TG: variants seen among roughly 807,000 people sequenced by gnomAD.
TG encodes thyroglobulin, also known as thyroid hormones.
Under a neutral mutation model 324.7 loss-of-function variants are expected in TG, and 270 were observed. That is an observed-to-expected ratio of 0.83 (90% CI 0.75 to 0.92). The LOEUF (loss-of-function observed/expected upper bound fraction) is 0.92, where lower values mean the gene tolerates loss of function less well. Among genes scored for constraint, TG ranks in the 40% least tolerant of loss-of-function variants. The pLI is 0.00. For synonymous variants in TG, 1,401 were observed against 1,327.0 expected (o/e 1.06, Z -1.21); for missense variants, 3,591 against 3,456.4 (o/e 1.04, Z -0.98).
At chr8:132,942,079 G>A (rs970373243) in intron 26 of TG, among the ~76,000 whole-genome samples, 4 of 152,208 alleles carry the variant, frequency 2.6e-5, no homozygotes, top group African/African-American at 9.6e-5. Flanking sequence ...CTCAGCAATG[G>A]AGGTGCCCTT....
At chr8:133,070,029 A>ACC (rs1554715883) in intron 41 of TG, among the ~76,000 whole-genome samples, 1 of 109,812 alleles carries the variant, frequency 9.1e-6, no homozygotes, top group South Asian at 3.2e-4. Flanking sequence ...AAAAAAAAGA[A>ACC]AGAAAGAAAG....
At chr8:132,931,235 C>T (rs1563968922) in intron 23 of TG, among the ~76,000 whole-genome samples, 2 of 152,162 alleles carry the variant, frequency 1.3e-5, no homozygotes, top group Non-Finnish European at 2.9e-5. Flanking sequence ...AGTCCTATTG[C>T]CTTAGGGCCC....
intron 43 of TG, chr8:133,106,364 A>C: frequency 1.0e-6 from 1 of 981,368 alleles, no homozygotes; most frequent in Non-Finnish European, 1.2e-6. Context: ...GGGCCAATGC[A>C]AGGACACCCA....
rs146182635 is a variant in TG, at chr8:133,132,584, A to C, written c.7997+638A>C. 3.2e-3 allele frequency among the ~76,000 whole-genome samples: 489 copies of C among 152,172 alleles called. 3 individuals are homozygous for C. The highest frequency in any genetic ancestry group is 0.011 in the African/African-American group (467 of 41,520). ...CATGGTAGTTTACCTGTTTCCTTTT[A>C]TCTTTTTGCCTGATGTGAGTTGATT... On this transcript the variant is annotated intron_variant, in intron 46 of 47. Coordinates refer to ENST00000220616, the MANE Select transcript of TG (RefSeq NM_003235.5).
At chr8:133,068,807 A>G (rs1261291305) in intron 41 of TG, among the ~76,000 whole-genome samples, 1 of 152,238 alleles carries the variant, frequency 6.6e-6, no homozygotes, top group East Asian at 1.9e-4. Context: ...TTCTTTCTAG[A>G]TAGACTTTCT....
chr8:132,958,102 T>A (rs1827198462), intron 27 of TG, among the ~76,000 whole-genome samples: 1 of 152,216 alleles, frequency 6.6e-6, no homozygotes, highest in South Asian at 2.1e-4. Context: ...TCCAGGTCGC[T>A]GCAAATATAT....
intron 43 of TG, among the ~76,000 whole-genome samples, chr8:133,106,018 A>G (rs534988182): frequency 2.6e-5 from 4 of 152,068 alleles, no homozygotes. Flanking sequence ...GAGCACCTGG[A>G]TGAAGCAGAT....
chr8:132,872,395 G>A (rs1274895154), intron 4 of TG, among the ~76,000 whole-genome samples: 2 of 150,196 alleles, frequency 1.3e-5, no homozygotes, highest in South Asian at 2.1e-4. Context: ...GGAGAATGGC[G>A]TGAACCCGGG....
chr8:133,011,767 A>G, intron 35 of TG, 134 bp from the exon 36 acceptor site: 2 of 1,045,708 alleles, frequency 1.9e-6, no homozygotes, highest in South Asian at 1.3e-5. Flanking sequence ...ATCAAGCTAT[A>G]AGGTTGCACA....
chr8:133,128,390 C>T (rs879414170), intron 45 of TG, among the ~76,000 whole-genome samples: 1 of 149,988 alleles, frequency 6.7e-6, no homozygotes, highest in Admixed American at 6.6e-5. Context: ...CACAGTCATC[C>T]GCAGAGCTCT....
intron 35 of TG, among the ~76,000 whole-genome samples, chr8:132,984,740 G>A (rs1305876201): frequency 2.0e-5 from 3 of 152,010 alleles, no homozygotes; most frequent in Non-Finnish European, 2.9e-5. Context: ...TCAGGAGTTC[G>A]AGACCAGCCT....
intron 10 of TG, 99 bp downstream of exon 10, chr8:132,888,667 T>C (rs79138791): frequency 0.011 from 14,083 of 1,278,552 alleles, 479 homozygotes; most frequent in African/African-American, 0.091. Context: ...GGGAGGGTAT[T>C]GAGTGTCAAA....
At chr8:132,941,120 CAT>C (rs539252510) in intron 25 of TG, among the ~76,000 whole-genome samples, 300 of 152,292 alleles carry the variant, frequency 2.0e-3, no homozygotes, top group Middle Eastern at 6.8e-3. Flanking sequence ...ACGTGTTGGG[CAT>C]TTGTCCCGAT....
intron 41 of TG, among the ~76,000 whole-genome samples, chr8:133,052,042 C>T (rs1306767857): frequency 6.6e-6 from 1 of 152,154 alleles, no homozygotes; most frequent in Non-Finnish European, 1.5e-5. Context: ...GGTTCGCTCA[C>T]CCCAAGATCT....
At chr8:133,036,283 G>A (rs1057513411) in intron 41 of TG, among the ~76,000 whole-genome samples, 5 of 152,108 alleles carry the variant, frequency 3.3e-5, no homozygotes, top group Non-Finnish European at 7.3e-5. Context: ...CAAGCATCTT[G>A]TTTATTTATG....
chr8:132,889,058 A>G (rs72727405), intron 10 of TG, among the ~76,000 whole-genome samples: 9,892 of 152,248 alleles, frequency 0.065, 456 homozygotes, highest in Non-Finnish European at 0.099. Flanking sequence ...GCTTTAATTG[A>G]TTTGGAAGGA....
At chr8:133,039,053 A>G (rs1025995323) in intron 41 of TG, among the ~76,000 whole-genome samples, 1 of 151,988 alleles carries the variant, frequency 6.6e-6, no homozygotes, top group Non-Finnish European at 1.5e-5. Context: ...AATTTTTTGT[A>G]TTTTGAGTAG....
chr8:132,945,132 C>T (rs868645260), intron 26 of TG, among the ~76,000 whole-genome samples: 20 of 152,152 alleles, frequency 1.3e-4, no homozygotes, highest in African/African-American at 4.1e-4. Flanking sequence ...TTGACGTGAG[C>T]GCTTGTCATG....
intron 3 of TG, among the ~76,000 whole-genome samples, chr8:132,870,346 C>G (rs1839368211): frequency 6.7e-6 from 1 of 148,604 alleles, no homozygotes; most frequent in Admixed American, 6.8e-5. Context: ...ATTAAAAGCT[C>G]TGTTTGGGGT....
Sources: allele counts gnomAD v4.1 joint callset (sites outside exome capture counted in the v4.1 genomes callset), GRCh38; gene constraint gnomAD v4.1.1; transcripts MANE v1.5; gene names NCBI Gene and HGNC (gene_info 2026-07-23, HGNC 2026-07-21).